The following ECPAS variants were observed in gnomAD, a reference collection of about 807,000 sequenced individuals.
ECPAS encodes the protein Ecm29 proteasome adaptor and scaffold.
A neutral mutation model predicts 255.1 loss-of-function variants in ECPAS; 70 were observed. The observed-to-expected ratio is 0.27, with a 90% CI of 0.23 to 0.33. ECPAS has a LOEUF of 0.33. ECPAS is among the 10% of genes least tolerant of loss of function. ECPAS has a pLI of 1.00. For synonymous variants in ECPAS, 784 were observed against 775.0 expected, an observed-to-expected ratio of 1.01 and a Z score of -0.19; for missense variants, 1,817 against 2,206.4, an observed-to-expected ratio of 0.82 and a Z score of 3.54.
At chr9:111,393,781 G>T in intron 26 of ECPAS, 47 bp from the exon 27 acceptor site, 2 of 1,220,214 alleles carry the variant, frequency 1.6e-6, no homozygotes, top group Non-Finnish European at 2.4e-6. Flanking sequence ...CTACCTCTTT[G>T]AGAGAATAAG....
At position 111,362,183 on chromosome 9, in the gene ECPAS, A is replaced by AAAAAAC; in HGVS notation, c.5381-20_5381-15dup. 1 of 1,548,658 alleles carries AAAAAAC rather than the reference A, an allele frequency of 6.5e-7. No homozygotes were observed. The highest frequency in any genetic ancestry group is 8.6e-7 in the Non-Finnish European group (1 of 1,156,856). ...ACTGTTTAGATTCTGCATGAAAAAA[A>AAAAAAC]AAAAACAAAAACAAAAAAAACAAAA... On this transcript the variant is annotated splice_polypyrimidine_tract_variant and intron_variant, in intron 49 of 49. Coordinates refer to ENST00000684092, the MANE Select transcript of ECPAS (RefSeq NM_001364929.1).
Position 111,404,926 on chromosome 9 carries a change from GA to G in ECPAS, c.2652+3644del, listed in dbSNP as rs1335797675. 8.4e-5 allele frequency among the ~76,000 whole-genome samples: 12 copies of G among 142,060 alleles called. 2 individuals are homozygous for G. Among genetic ancestry groups the G allele is most frequent in the African/African-American group, 3.3e-4 (12 of 36,360 alleles). 93.2% of individuals were successfully genotyped at this position (142,060 alleles called of 152,430 possible). ...AAAAAATTAAAAAGAACACACAAAA[GA>G]GAAGACATAGCCCATGTTCATGGAT... On this transcript the variant is annotated intron_variant, in intron 24 of 49. Coordinates refer to ENST00000684092, the MANE Select transcript of ECPAS (RefSeq NM_001364929.1).
At chr9:111,432,595 C>G (rs2098231700) in intron 8 of ECPAS, among the ~76,000 whole-genome samples, 1 of 152,178 alleles carries the variant, frequency 6.6e-6, no homozygotes, top group Non-Finnish European at 1.5e-5. Context: ...GCCTGGGCAA[C>G]AGAGAGAGAC....
rs372036321 is a variant in ECPAS, at chr9:111,420,034, T to C, written c.1542A>G (p.Leu514=). 158 of 1,611,408 alleles carry C rather than the reference T, an allele frequency of 9.8e-5. No homozygotes were observed. The African/African-American group carries it at 1.8e-3, about 19-fold the overall frequency. ...SDHIPSRYLL[L]LAAGDPREEV... ...AAACTTACGGATCTCCTGCAGCCAGTAGCAGCAAATATCTGGAAGGGATAT... is the reference window on the plus strand; with the variant it reads ...AAACTTACGGATCTCCTGCAGCCAGCAGCAGCAAATATCTGGAAGGGATAT... Residue 514 remains leucine (L), a synonymous_variant, in exon 16 of 50, where the codon CTA becomes CTG. Coordinates refer to ENST00000684092, the MANE Select transcript of ECPAS (RefSeq NM_001364929.1).
intron 48 of ECPAS, among the ~76,000 whole-genome samples, chr9:111,364,385 A>T (rs2098117803): frequency 6.6e-6 from 1 of 152,218 alleles, no homozygotes; most frequent in Admixed American, 6.5e-5. Context: ...GACAACTGGA[A>T]TAACGAATTA....
intron 6 of ECPAS, among the ~76,000 whole-genome samples, chr9:111,439,602 T>TTTTC (rs1181741363): frequency 6.6e-6 from 1 of 152,164 alleles, no homozygotes; most frequent in Middle Eastern, 3.2e-3. Flanking sequence ...CTTTTTGTTG[T>TTTTC]TTTCTTTCTT....
chr9:111,412,274 T>C (rs1043054698), intron 20 of ECPAS, 126 bp from the exon 21 acceptor site: 25 of 838,932 alleles, frequency 3.0e-5, no homozygotes, highest in Middle Eastern at 2.6e-4. Context: ...CAAGCCATTA[T>C]TTGAAAACAA....
At chr9:111,404,916 A>T (rs2098181781) in intron 24 of ECPAS, among the ~76,000 whole-genome samples, 1 of 149,500 alleles carries the variant, frequency 6.7e-6, no homozygotes, top group Admixed American at 6.6e-5. Flanking sequence ...ATTAAAAAGA[A>T]CACACAAAAG....
intron 1 of ECPAS, among the ~76,000 whole-genome samples, chr9:111,476,663 C>T (rs1327613794): frequency 6.7e-6 from 1 of 148,252 alleles, no homozygotes; most frequent in Non-Finnish European, 1.5e-5. Context: ...CTCACCACAA[C>T]CTCCGCCTCC....
rs745639002 is a variant in ECPAS at position 111,422,199 on chromosome 9, G to A, written c.1267C>T (p.Arg423Trp). The A allele has an allele frequency of 6.8e-6, 11 of 1,611,998 alleles. No homozygotes were observed. Among genetic ancestry groups the A allele is most frequent in the Non-Finnish European group, 9.3e-6 (11 of 1,178,810 alleles). The change falls in exon 14 of 50, where the codon CGG becomes TGG. Residue 423 changes from arginine to tryptophan, a missense_variant and splice_region_variant. Arg to Trp is a moderately radical substitution (Grantham distance 101, BLOSUM62 -3). Transcript: ENST00000684092. ...AYSAVGKLSS[R>W]MPHLFTKDIA... ...TCCTTAGTGAATAAATGTGGCATCC[G>A]ACTGCAAAAGAATGTAAAAATATTG...
intron 27 of ECPAS, 61 bp downstream of exon 27, chr9:111,393,619 G>A (rs2598360): frequency 0.36 from 401,428 of 1,124,114 alleles, 79,117 homozygotes; most frequent in Non-Finnish European, 0.42. Flanking sequence ...ATTAATCCAG[G>A]TTTTTGAACA....
Position 111,396,590 on chromosome 9 carries a change from G to A in ECPAS, c.2776+440C>T, listed in dbSNP as rs145605139. Among the ~76,000 whole-genome samples the A allele has an allele frequency of 4.6e-5, 7 of 152,150 alleles. No homozygotes were observed. The East Asian group carries it at 5.8e-4, about 13-fold the overall frequency. On this transcript the variant is annotated intron_variant, in intron 25 of 49. Transcript: ENST00000684092. ...TTTTGAGACAGAGTCTTACTCTGTC[G>A]CCCAGGATAGAGTGCAGTGGCATAA...
rs751270025 is a variant in ECPAS, at chr9:111,366,287, A to G, written c.5260T>C (p.Leu1754=). 1.9e-6 allele frequency: 3 copies of G among 1,579,464 alleles called. No individual in the cohort carries two copies. The highest frequency in any genetic ancestry group is 2.6e-6 in the Non-Finnish European group (3 of 1,161,264). Residue 1754 remains leucine, a synonymous_variant, in exon 48 of 50, where the codon TTG becomes CTG. Transcript: ENST00000684092. ...CAAGTTTCAAGCAGAATTTCAGCCA[A>G]AGCCTCAGGATCGGCATGTTCTTCT... The part of the protein sequence containing the change: ...LEEEHADPEA[L]AEILLETCKS...
chr9:111,475,452 G>A lies in ECPAS; in HGVS notation c.-82-2452C>T, dbSNP rs1429981039. On this transcript the variant is annotated intron_variant, in intron 1 of 49. Transcript: ENST00000684092. The stretch of plus-strand genomic sequence containing the variant: ...AGCATAATTCAAAACAGAATGTGGT[G>A]GGCCAGGTGCAGTGGCTCAAGCCAA... 3.3e-5 allele frequency among the ~76,000 whole-genome samples: 5 copies of A among 152,148 alleles called. No homozygotes were observed. In the East Asian group the frequency reaches 9.6e-4, roughly 29 times the overall value.
intron 4 of ECPAS, among the ~76,000 whole-genome samples, chr9:111,443,481 C>CCTCATGATCAGCTGGCCTCCTGAT (rs2098248713): frequency 6.6e-6 from 1 of 152,176 alleles, no homozygotes; most frequent in East Asian, 1.9e-4. Context: ...GAACTCCTGA[C>CCTCATGATCAGCTGGCCTCCTGAT]CTCATGATCA....
At position 111,366,234 on chromosome 9, in the gene ECPAS, C is replaced by A; in HGVS notation, c.5308+5G>T. 1 of 1,543,352 alleles carries A rather than the reference C, an allele frequency of 6.5e-7. No individual in the cohort carries two copies. The highest frequency in any genetic ancestry group is 8.8e-7 in the Non-Finnish European group (1 of 1,135,406). Reference sequence around the variant, plus strand: ...CCCTCATCAGTTTTAGTTTACTACACTCACCTAAAGAATATGTGATTGATT... The same window carrying A: ...CCCTCATCAGTTTTAGTTTACTACAATCACCTAAAGAATATGTGATTGATT... On this transcript the variant is annotated splice_donor_5th_base_variant and intron_variant, in intron 48 of 49. Coordinates refer to ENST00000684092, the MANE Select transcript of ECPAS (RefSeq NM_001364929.1).
At chr9:111,438,973 G>A (rs1253375578) in intron 6 of ECPAS, among the ~76,000 whole-genome samples, 2 of 152,190 alleles carry the variant, frequency 1.3e-5, no homozygotes, top group African/African-American at 2.4e-5. Flanking sequence ...ACAGCATTTT[G>A]GAAAAATTTA....
At chr9:111,377,225 C>T (rs1048365372) in intron 36 of ECPAS, among the ~76,000 whole-genome samples, 4 of 151,808 alleles carry the variant, frequency 2.6e-5, no homozygotes, top group Admixed American at 1.3e-4. Context: ...GAAGTTTAGG[C>T]AAGTTAAAGA....
chr9:111,426,345 T>C (rs2098221510), intron 10 of ECPAS, among the ~76,000 whole-genome samples: 1 of 151,810 alleles, frequency 6.6e-6, no homozygotes, highest in African/African-American at 2.4e-5. Context: ...CAAGTTCCTT[T>C]TTATGACAAA....
Sources: gnomAD v4.1 joint callset for allele counts (sites outside exome capture counted in the v4.1 genomes callset) on GRCh38, gnomAD v4.1.1 for gene constraint, MANE v1.5 for transcripts, NCBI Gene and HGNC (gene_info 2026-07-23, HGNC 2026-07-21) for gene names.